CHST9: variants seen among roughly 807,000 people sequenced by gnomAD.
The protein encoded by CHST9 is carbohydrate sulfotransferase 9.
CHST9 carries 41 observed loss-of-function variants against 44.4 expected under a neutral mutation model. That is an observed-to-expected ratio of 0.92 (90% CI 0.72 to 1.20). The LOEUF (loss-of-function observed/expected upper bound fraction) is 1.20. CHST9 is among the 50% of genes most tolerant of loss of function. The pLI is 0.00. For missense variants in CHST9, 504 were observed against 516.5 expected (o/e 0.98, Z 0.23); for synonymous variants, 171 against 178.4 (o/e 0.96, Z 0.33).
chr18:27,184,418 A>G (rs1004829598), intron 1 of CHST9, among the ~76,000 whole-genome samples: 13 of 152,192 alleles, frequency 8.5e-5, no homozygotes, highest in Non-Finnish European at 1.9e-4. Context: ...AACGGGGCAG[A>G]AGAGGGAGCA....
chr18:27,070,569 A>T (rs2057827460), intron 2 of CHST9, among the ~76,000 whole-genome samples: 1 of 152,190 alleles, frequency 6.6e-6, no homozygotes. Flanking sequence ...TTTAGTTTAC[A>T]TGATTTCACT....
intron 1 of CHST9, among the ~76,000 whole-genome samples, chr18:27,148,478 A>C (rs2058633017): frequency 7.4e-6 from 1 of 134,674 alleles, no homozygotes; most frequent in African/African-American, 2.8e-5. Flanking sequence ...TCATTGTTCA[A>C]TTCCCACCTA....
chr18:27,169,628 C>CA (rs1179275649), intron 1 of CHST9, among the ~76,000 whole-genome samples: 2 of 100,204 alleles, frequency 2.0e-5, no homozygotes, highest in African/African-American at 8.4e-5. Context: ...TTTTTTGAGA[C>CA]AGAGTCTCAC....
At chr18:27,132,119 G>T (rs1460952830) in intron 2 of CHST9, among the ~76,000 whole-genome samples, 1 of 152,068 alleles carries the variant, frequency 6.6e-6, no homozygotes, top group Non-Finnish European at 1.5e-5. Flanking sequence ...ATATTGGCTT[G>T]GAATAACCCT....
chr18:27,038,597 T>G (rs1181943136), intron 3 of CHST9, among the ~76,000 whole-genome samples: 36 of 152,164 alleles, frequency 2.4e-4, no homozygotes, highest in Admixed American at 2.4e-3. Context: ...TGGTAGCTGC[T>G]GGCCACATGT....
intron 2 of CHST9, among the ~76,000 whole-genome samples, chr18:27,123,700 A>G (rs559766134): frequency 4.6e-5 from 7 of 152,336 alleles, no homozygotes; most frequent in Non-Finnish European, 8.8e-5. Flanking sequence ...TATTGTGGCA[A>G]CAGAAGAGAG....
chr18:27,005,193 G>C (rs1428992870), intron 4 of CHST9, among the ~76,000 whole-genome samples: 1 of 152,140 alleles, frequency 6.6e-6, no homozygotes, highest in Non-Finnish European at 1.5e-5. Context: ...TTGAGCCTCA[G>C]TTTTATGTCT....
At chr18:27,059,405 T>G (rs746935122) in intron 2 of CHST9, among the ~76,000 whole-genome samples, 2 of 152,244 alleles carry the variant, frequency 1.3e-5, no homozygotes, top group Non-Finnish European at 2.9e-5. Context: ...TTATTTTCCC[T>G]GGGTAGATTT....
At chr18:27,150,939 G>A (rs974344945) in intron 1 of CHST9, among the ~76,000 whole-genome samples, 21 of 152,060 alleles carry the variant, frequency 1.4e-4, no homozygotes, top group Non-Finnish European at 2.8e-4. Context: ...GCACATAAAC[G>A]TTTTGAAAAT....
chr18:27,136,595 C>T (rs2058514883), intron 2 of CHST9, among the ~76,000 whole-genome samples: 1 of 152,126 alleles, frequency 6.6e-6, no homozygotes, highest in Non-Finnish European at 1.5e-5. Flanking sequence ...AATGGGAATA[C>T]TAATGGTACC....
chr18:27,164,970 G>A (rs1335266417), intron 1 of CHST9, among the ~76,000 whole-genome samples: 1 of 152,144 alleles, frequency 6.6e-6, no homozygotes, highest in East Asian at 1.9e-4. Flanking sequence ...AGATACCAGA[G>A]GACATAACAA....
intron 1 of CHST9, among the ~76,000 whole-genome samples, chr18:27,175,870 T>C (rs892578817): frequency 3.0e-4 from 45 of 152,110 alleles, no homozygotes; most frequent in African/African-American, 1.1e-3. Context: ...AATTTGCAAC[T>C]CTTCTAAGCA....
At chr18:27,184,587 C>T (rs1185902277) in intron 1 of CHST9, among the ~76,000 whole-genome samples, 4 of 152,136 alleles carry the variant, frequency 2.6e-5, no homozygotes, top group Non-Finnish European at 4.4e-5. Flanking sequence ...CCCACCTCTC[C>T]CGCAGCCTGC....
intron 4 of CHST9, among the ~76,000 whole-genome samples, chr18:26,948,799 A>C (rs937168913): frequency 6.6e-6 from 1 of 152,176 alleles, no homozygotes; most frequent in Admixed American, 6.5e-5. Flanking sequence ...TTTGCAGGTA[A>C]AGGATAAGAG....
At chr18:27,021,975 A>ATGCCCAGCT (rs71171611) in intron 4 of CHST9, among the ~76,000 whole-genome samples, 56,412 of 151,548 alleles carry the variant, frequency 0.37, 11,216 homozygotes, top group East Asian at 0.46. Flanking sequence ...ACATGCCCCT[A>ATGCCCAGCT]TGCCCAGCTT....
At chr18:27,120,228 T>C (rs926062664) in intron 2 of CHST9, among the ~76,000 whole-genome samples, 3 of 152,214 alleles carry the variant, frequency 2.0e-5, no homozygotes, top group African/African-American at 7.2e-5. Flanking sequence ...GAGTAAATTT[T>C]TGATACAGGT....
chr18:27,034,025 C>T (rs1218749065), intron 3 of CHST9, among the ~76,000 whole-genome samples: 2 of 152,186 alleles, frequency 1.3e-5, no homozygotes, highest in African/African-American at 2.4e-5. Flanking sequence ...CTCCCCCATC[C>T]GCACTGCTGC....
At chr18:27,058,272 T>C (rs74831259) in intron 2 of CHST9, among the ~76,000 whole-genome samples, 4,838 of 152,294 alleles carry the variant, frequency 0.032, 213 homozygotes, top group African/African-American at 0.096. Context: ...TTTTAAATAA[T>C]ATAATATTCT....
chr18:26,981,860 T>A (rs1220188601), intron 4 of CHST9, among the ~76,000 whole-genome samples: 1 of 152,178 alleles, frequency 6.6e-6, no homozygotes, highest in Non-Finnish European at 1.5e-5. Context: ...CAGTCCATTT[T>A]CCTCCATGCC....
Sources: allele counts gnomAD v4.1 joint callset (sites outside exome capture counted in the v4.1 genomes callset), GRCh38; gene constraint gnomAD v4.1.1; transcripts MANE v1.5; gene names NCBI Gene and HGNC (gene_info 2026-07-23, HGNC 2026-07-21).